Variants in HEMK2 observed in about 807,000 individuals in gnomAD.
HEMK2 encodes HemK methyltransferase 2, ETF1 glutamine and histone H4 lysine.
At chr21:28,823,400 G>C in the HEMK2 span, among the ~76,000 whole-genome samples, 1 of 152,172 alleles carries the variant, frequency 6.6e-6, no homozygotes, top group Non-Finnish European at 1.5e-5. Flanking sequence ...GGTTCTAAGA[G>C]AAAGAAAAAT....
At chr21:28,882,937 C>A in the HEMK2 span, 7 of 1,240,910 alleles carry the variant, frequency 5.6e-6, no homozygotes, top group South Asian at 1.5e-5. Flanking sequence ...TTAGAGTTAT[C>A]ATAGTTAACC....
At chr21:28,855,937 AACATT>A in the HEMK2 span, among the ~76,000 whole-genome samples, 13 of 152,342 alleles carry the variant, frequency 8.5e-5, no homozygotes, top group African/African-American at 2.9e-4. Flanking sequence ...TTAACAACCT[AACATT>A]ACATCTAGAG....
At chr21:28,751,554 G>A in the HEMK2 span, among the ~76,000 whole-genome samples, 1 of 152,198 alleles carries the variant, frequency 6.6e-6, no homozygotes, top group African/African-American at 2.4e-5. Context: ...GAAATCGTGT[G>A]TCTAAAACCA....
the HEMK2 span, among the ~76,000 whole-genome samples, chr21:28,801,457 G>T: frequency 6.6e-6 from 1 of 151,752 alleles, no homozygotes; most frequent in African/African-American, 2.4e-5. Flanking sequence ...AACTAGGGAA[G>T]ATCTTTCTAG....
the HEMK2 span, among the ~76,000 whole-genome samples, chr21:28,656,549 G>A: frequency 3.9e-5 from 6 of 151,992 alleles, no homozygotes; most frequent in African/African-American, 1.4e-4. Flanking sequence ...ACCTAGCACA[G>A]TCCATGCAAT....
At chr21:28,773,540 G>C in the HEMK2 span, among the ~76,000 whole-genome samples, 1 of 152,114 alleles carries the variant, frequency 6.6e-6, no homozygotes. Flanking sequence ...TATTGACCTA[G>C]AATGTGACTT....
At chr21:28,679,871 T>C in the HEMK2 span, among the ~76,000 whole-genome samples, 1 of 151,976 alleles carries the variant, frequency 6.6e-6, no homozygotes, top group Non-Finnish European at 1.5e-5. Flanking sequence ...AGACACAACA[T>C]ACCAGAATCT....
the HEMK2 span, among the ~76,000 whole-genome samples, chr21:28,685,696 G>A: frequency 1.3e-5 from 2 of 152,284 alleles, no homozygotes; most frequent in East Asian, 1.9e-4. Flanking sequence ...ATTGCAATAA[G>A]GAAACATGTT....
chr21:28,785,704 A>C, the HEMK2 span, among the ~76,000 whole-genome samples: 7 of 152,152 alleles, frequency 4.6e-5, no homozygotes, highest in African/African-American at 1.7e-4. Flanking sequence ...AGCAAGTCAA[A>C]TCATCCTCAT....
At chr21:28,709,919 AC>A in the HEMK2 span, among the ~76,000 whole-genome samples, 1 of 152,176 alleles carries the variant, frequency 6.6e-6, no homozygotes, top group Non-Finnish European at 1.5e-5. Context: ...GATTTAGGTT[AC>A]TTTGAAGCTA....
At chr21:28,772,104 A>G in the HEMK2 span, among the ~76,000 whole-genome samples, 2 of 152,192 alleles carry the variant, frequency 1.3e-5, no homozygotes, top group Non-Finnish European at 2.9e-5. Context: ...CAGGAACAGA[A>G]GAGACAATGT....
At chr21:28,716,925 G>C in the HEMK2 span, among the ~76,000 whole-genome samples, 754 of 152,254 alleles carry the variant, frequency 5.0e-3, 6 homozygotes, top group African/African-American at 0.017. Flanking sequence ...CACATTTATT[G>C]ATTTGTGTAT....
chr21:28,877,239 G>GGGAAA, the HEMK2 span, among the ~76,000 whole-genome samples: 1 of 98,544 alleles, frequency 1.0e-5, no homozygotes, highest in Non-Finnish European at 2.2e-5. Flanking sequence ...AGGAAAGGAA[G>GGGAAA]GGAAGGGAAG....
the HEMK2 span, among the ~76,000 whole-genome samples, chr21:28,844,674 C>A: frequency 1.3e-5 from 2 of 151,986 alleles, no homozygotes; most frequent in African/African-American, 4.8e-5. Flanking sequence ...ATATTTTTCC[C>A]AGCCATGAGA....
chr21:28,776,224 C>G, the HEMK2 span, among the ~76,000 whole-genome samples: 2 of 152,172 alleles, frequency 1.3e-5, no homozygotes, highest in South Asian at 2.1e-4. Flanking sequence ...GATTTCTTCT[C>G]AAAACTTGAA....
chr21:28,870,955 A>G, the HEMK2 span, among the ~76,000 whole-genome samples: 124 of 152,214 alleles, frequency 8.1e-4, no homozygotes, highest in African/African-American at 2.8e-3. Flanking sequence ...TCAGAGTTCT[A>G]TATTAGTCTA....
At chr21:28,691,282 C>T in the HEMK2 span, among the ~76,000 whole-genome samples, 1 of 152,120 alleles carries the variant, frequency 6.6e-6, no homozygotes, top group Non-Finnish European at 1.5e-5. Context: ...TTTCTCTTTC[C>T]TTTTAACCAG....
the HEMK2 span, among the ~76,000 whole-genome samples, chr21:28,678,943 C>A: frequency 6.6e-6 from 1 of 152,116 alleles, no homozygotes; most frequent in East Asian, 1.9e-4. Context: ...CAAAAACATG[C>A]CAAATTGTAA....
the HEMK2 span, chr21:28,883,084 T>C: frequency 6.5e-7 from 1 of 1,548,268 alleles, no homozygotes; most frequent in East Asian, 2.3e-5. Context: ...GAAAAAAAAA[T>C]AAATAAATAT....
Sources: allele counts gnomAD v4.1 joint callset (sites outside exome capture counted in the v4.1 genomes callset), GRCh38; gene constraint gnomAD v4.1.1; transcripts MANE v1.5; gene names NCBI Gene and HGNC (gene_info 2026-07-23, HGNC 2026-07-21).